STK31: variants seen among roughly 807,000 people sequenced by gnomAD.
The protein encoded by STK31 is serine/threonine-protein kinase 31.
A neutral mutation model predicts 129.7 loss-of-function variants in STK31; 89 were observed. The observed-to-expected ratio is 0.69, with a 90% CI of 0.58 to 0.82. STK31 has a LOEUF of 0.82. Among genes scored for constraint, STK31 ranks in the 40% least tolerant of loss-of-function variants. STK31 has a pLI of 0.00. For missense variants in STK31, 1,187 were observed against 1,176.4 expected (o/e 1.01, Z -0.13); for synonymous variants, 448 against 395.3 (o/e 1.13, Z -1.58).
At chr7:23,795,196 C>T (rs986993990) in intron 22 of STK31, among the ~76,000 whole-genome samples, 1 of 152,232 alleles carries the variant, frequency 6.6e-6, no homozygotes, top group Non-Finnish European at 1.5e-5. Context: ...CACGGTCCCC[C>T]TGCTGTGTGC....
intron 23 of STK31, among the ~76,000 whole-genome samples, chr7:23,818,513 T>G (rs1473910252): frequency 6.6e-6 from 1 of 152,192 alleles, no homozygotes; most frequent in Non-Finnish European, 1.5e-5. Flanking sequence ...CCCATTGGTT[T>G]GTTTATTCAT....
Position 23,712,255 on chromosome 7 carries a change from A to G in STK31, c.119A>G (p.His40Arg), listed in dbSNP as rs1473381342. 6.2e-7 allele frequency: 1 copy of G among 1,614,144 alleles called. No individual in the cohort carries two copies. The highest frequency in any genetic ancestry group is 1.7e-5 in the Admixed American group (1 of 60,030). Residue 40 changes from histidine (H) to arginine (R), a missense_variant, in exon 3 of 24, where the codon CAC becomes CGC. Physicochemically the swap from His to Arg is conservative, Grantham distance 29. Transcript: ENST00000355870. The stretch of plus-strand genomic sequence containing the variant: ...TTAGTGGAAGATGTGGTTGGAAGTC[A>G]CATAGAAGATGCAGTAACATTTTGG... The part of the protein sequence containing the change: ...YDKVEDVVGS[H>R]IEDAVTFWAQ...
chr7:23,808,970 T>TGTGTGTGTGTGTGTGTGTGTGTGC (rs60631283), intron 22 of STK31, among the ~76,000 whole-genome samples: 2,647 of 139,524 alleles, frequency 0.019, 81 homozygotes, highest in South Asian at 0.037. Context: ...TGTGTGTGTG[T>TGTGTGTGTGTGTGTGTGTGTGTGC]GCCTGTGTCT....
intron 22 of STK31, among the ~76,000 whole-genome samples, chr7:23,792,977 G>T (rs1791735484): frequency 1.3e-5 from 2 of 152,196 alleles, no homozygotes. Context: ...AGCTATGACT[G>T]CTCCACTGCA....
At chr7:23,753,331 G>T (rs1013871024) in intron 9 of STK31, among the ~76,000 whole-genome samples, 1 of 152,174 alleles carries the variant, frequency 6.6e-6, no homozygotes, top group Non-Finnish European at 1.5e-5. Context: ...AGGTGAATTG[G>T]TGTGTCTGTA....
At chr7:23,745,816 C>T (rs922362793) in intron 8 of STK31, among the ~76,000 whole-genome samples, 9 of 152,014 alleles carry the variant, frequency 5.9e-5, no homozygotes, top group Middle Eastern at 3.2e-3. Flanking sequence ...CCTCTGGGTC[C>T]GTGAAAATGC....
intron 23 of STK31, 124 bp downstream of exon 23, chr7:23,815,336 T>A: frequency 1.5e-6 from 1 of 688,136 alleles, no homozygotes; most frequent in Non-Finnish European, 2.3e-6. Context: ...ATAAATGAAG[T>A]ATTGAAAAAA....
At chr7:23,779,651 CTACTCAAGCCTCAGTAAT>C (rs56272225) in intron 15 of STK31, among the ~76,000 whole-genome samples, 55,052 of 151,942 alleles carry the variant, frequency 0.36, 10,086 homozygotes, top group Admixed American at 0.41. Context: ...GGAAAACTGC[CTACTCAAGCCTCAGTAAT>C]GACAGAGGCC....
intron 22 of STK31, among the ~76,000 whole-genome samples, chr7:23,801,656 A>T (rs1792376383): frequency 6.6e-6 from 1 of 152,170 alleles, no homozygotes; most frequent in African/African-American, 2.4e-5. Context: ...TTTTCTTCTA[A>T]AAGCTCTATA....
intron 10 of STK31, among the ~76,000 whole-genome samples, chr7:23,761,620 C>A (rs1284663904): frequency 6.6e-6 from 1 of 151,554 alleles, no homozygotes; most frequent in African/African-American, 2.4e-5. Flanking sequence ...TGGGGTTTCA[C>A]CATGGTCTCG....
chr7:23,726,784 A>C (rs1333980407), intron 4 of STK31, among the ~76,000 whole-genome samples: 2 of 152,192 alleles, frequency 1.3e-5, no homozygotes, highest in African/African-American at 2.4e-5. Context: ...TAAAGTAAAA[A>C]GTATGAAATC....
In STK31 at chr7:23,766,496, C is replaced by T. The variant is rs74357879; in HGVS notation, c.1417-2499C>T. Among the ~76,000 whole-genome samples the T allele has an allele frequency of 1.1e-3, 173 of 152,252 alleles. 3 individuals carry two copies. The East Asian group carries it at 0.027, about 24-fold the overall frequency. Reference sequence around the variant, plus strand: ...CTCGAACTTCTGACCTCGAGTGATCCGCCTCTCTTGGCCTCCTAAAGTGCT... The same window carrying T: ...CTCGAACTTCTGACCTCGAGTGATCTGCCTCTCTTGGCCTCCTAAAGTGCT... On this transcript the variant is annotated intron_variant, in intron 11 of 23. Transcript: ENST00000355870.
At chr7:23,823,969 G>A (rs1362839041) in intron 23 of STK31, among the ~76,000 whole-genome samples, 1 of 152,068 alleles carries the variant, frequency 6.6e-6, no homozygotes, top group African/African-American at 2.4e-5. Context: ...CTCTGTTTTG[G>A]TACCAGTATC....
At chr7:23,746,578 A>G (rs1236262146) in intron 8 of STK31, among the ~76,000 whole-genome samples, 2 of 152,210 alleles carry the variant, frequency 1.3e-5, no homozygotes, top group Admixed American at 6.5e-5. Context: ...ATGTAATCTA[A>G]CAAACACGTT....
intron 6 of STK31, among the ~76,000 whole-genome samples, chr7:23,733,511 TTAAAA>T (rs1287830765): frequency 6.6e-6 from 1 of 151,756 alleles, no homozygotes; most frequent in African/African-American, 2.4e-5. Context: ...CAACCTGTTG[TTAAAA>T]TAAATGTGTC....
chr7:23,797,624 A>AAATTTATAG (rs1013935430), intron 22 of STK31, among the ~76,000 whole-genome samples: 18 of 152,328 alleles, frequency 1.2e-4, no homozygotes, highest in Non-Finnish European at 1.8e-4. Flanking sequence ...GTTTAGAGGG[A>AAATTTATAG]AATTTATAGC....
rs1158575960 is a variant in STK31 at position 23,710,566 on chromosome 7, C to T, written c.50+231C>T. On this transcript the variant is annotated intron_variant, in intron 1 of 23. Coordinates refer to ENST00000355870, the MANE Select transcript of STK31 (RefSeq NM_031414.5). ...CCGGCCTGAATGATCTCCATGAAGA[C>T]GCGGTCACGCAGCCTCCACACTCTC... is the stretch of plus-strand genomic sequence containing the variant. The T allele has an allele frequency of 1.7e-5, 24 of 1,388,974 alleles. No homozygotes were observed. In the Admixed American group the frequency reaches 7.2e-4, roughly 41 times the overall value. The allele number at this position is 1,388,974 out of a possible 1,614,324, so 86.0% of individuals were successfully genotyped here. A position where few individuals can be genotyped will look rare whatever the true frequency, so the allele number is the denominator to read the frequency against.
rs750402369 is a variant in STK31 at position 23,769,776 on chromosome 7, A to T, written c.1713+20A>T. 1.3e-6 allele frequency: 2 copies of T among 1,481,706 alleles called. No homozygotes were observed. Among genetic ancestry groups the T allele is most frequent in the Non-Finnish European group, 1.9e-6 (2 of 1,068,498 alleles). 91.8% of individuals were successfully genotyped at this position (1,481,706 alleles called of 1,614,324 possible). ...CTGGTTGTGAGTATCGATATTCTTTATTATTGCCTCCTTTGAAGCAGTGTG... is the reference window on the plus strand; with the variant it reads ...CTGGTTGTGAGTATCGATATTCTTTTTTATTGCCTCCTTTGAAGCAGTGTG... On this transcript the variant is annotated intron_variant, in intron 13 of 23. Transcript: ENST00000355870.
At chr7:23,750,658 A>C (rs754595684) in intron 8 of STK31, among the ~76,000 whole-genome samples, 9 of 152,236 alleles carry the variant, frequency 5.9e-5, no homozygotes, top group Non-Finnish European at 1.0e-4. Flanking sequence ...TTTCCTCGTG[A>C]ATCCTAGTTT....
Sources: gnomAD v4.1 joint callset for allele counts (sites outside exome capture counted in the v4.1 genomes callset) on GRCh38, gnomAD v4.1.1 for gene constraint, MANE v1.5 for transcripts, NCBI Gene and HGNC (gene_info 2026-07-23, HGNC 2026-07-21) for gene names.